Variants in SIK2 observed in about 807,000 individuals in gnomAD.
The protein encoded by SIK2 is serine/threonine-protein kinase SIK2.
SIK2 carries 29 observed loss-of-function variants against 103.2 expected under a neutral mutation model. The observed-to-expected ratio is 0.28, with a 90% CI of 0.21 to 0.38. The LOEUF is 0.38. SIK2 is among the 10% of genes least tolerant of loss of function. SIK2 has a pLI of 1.00. For synonymous variants in SIK2, 412 were observed against 446.1 expected, an observed-to-expected ratio of 0.92 and a Z score of 0.96; for missense variants, 879 against 1,171.0, an observed-to-expected ratio of 0.75 and a Z score of 3.64.
chr11:111,714,709 G>A (rs1366802981), intron 9 of SIK2, among the ~76,000 whole-genome samples: 4 of 152,156 alleles, frequency 2.6e-5, no homozygotes, highest in East Asian at 1.9e-4. Flanking sequence ...CAAGAAGGCC[G>A]ACCATGAGTT....
At chr11:111,655,277 C>T (rs1356609654) in intron 3 of SIK2, among the ~76,000 whole-genome samples, 2 of 152,098 alleles carry the variant, frequency 1.3e-5, no homozygotes, top group African/African-American at 2.4e-5. Flanking sequence ...TGCTGCATGC[C>T]TGTAATCCCA....
At chr11:111,661,456 C>T (rs1218866307) in intron 3 of SIK2, among the ~76,000 whole-genome samples, 6 of 152,168 alleles carry the variant, frequency 3.9e-5, no homozygotes, top group African/African-American at 1.2e-4. Flanking sequence ...CTTCTATAAG[C>T]CAATATTTCC....
At chr11:111,712,060 T>G in intron 8 of SIK2, 151 bp from the exon 9 acceptor site, 1 of 779,034 alleles carries the variant, frequency 1.3e-6, no homozygotes, top group Non-Finnish European at 2.0e-6. Context: ...CTGCACCATG[T>G]ATATATTTCA....
intron 3 of SIK2, among the ~76,000 whole-genome samples, chr11:111,630,747 G>A (rs1348005974): frequency 6.6e-6 from 1 of 152,140 alleles, no homozygotes; most frequent in African/African-American, 2.4e-5. Flanking sequence ...TGGTCATTAA[G>A]AGATCACCAG....
Position 111,723,560 on chromosome 11 carries a change from C to G in SIK2, c.2212C>G (p.Gln738Glu). Reference sequence around the variant, plus strand: ...ACTGCAGGCCTATTTTAATCAGATGCAGATAGCAGAGAGCTCCTACCCACA... The same window carrying G: ...ACTGCAGGCCTATTTTAATCAGATGGAGATAGCAGAGAGCTCCTACCCACA... ...SQLQAYFNQM[Q>E]IAESSYPQPS... The change falls in exon 15 of 15, where the codon CAG becomes GAG. Residue 738 changes from glutamine (Q) to glutamate (E), a missense_variant. By Grantham distance (29) the Gln-to-Glu change is conservative (BLOSUM62 2). Around this residue, in one of 7 missense-constraint regions of SIK2, gnomAD observed 375 missense variants for 416.3 expected, o/e 0.90. Coordinates refer to ENST00000304987, the MANE Select transcript of SIK2 (RefSeq NM_015191.3). 1 of 1,614,188 alleles carries G rather than the reference C, an allele frequency of 6.2e-7. No individual in the cohort carries two copies. Among genetic ancestry groups the G allele is most frequent in the Non-Finnish European group, 8.5e-7 (1 of 1,180,022 alleles).
intron 3 of SIK2, among the ~76,000 whole-genome samples, chr11:111,637,456 CTTTTT>C (rs558690499): frequency 8.0e-6 from 1 of 124,706 alleles, no homozygotes. Context: ...TTTGTAATAT[CTTTTT>C]TTTTTTTTTT....
intron 1 of SIK2, among the ~76,000 whole-genome samples, chr11:111,606,061 A>G (rs1313062465): frequency 6.6e-6 from 1 of 152,198 alleles, no homozygotes; most frequent in Non-Finnish European, 1.5e-5. Flanking sequence ...ACTTTGAGGC[A>G]ATAGTGGTTG....
chr11:111,721,126 A>G (rs372232252), intron 12 of SIK2, 64 bp downstream of exon 12: 2 of 1,524,636 alleles, frequency 1.3e-6, no homozygotes, highest in East Asian at 4.6e-5. Flanking sequence ...TGTCCTGAAG[A>G]TGGTCATTTT....
intron 9 of SIK2, among the ~76,000 whole-genome samples, chr11:111,714,769 C>G (rs1389610553): frequency 1.3e-5 from 2 of 152,122 alleles, no homozygotes; most frequent in African/African-American, 4.8e-5. Context: ...CTGCCACAAG[C>G]CAGTGTTGAC....
At chr11:111,689,319 G>T (rs1942893815) in intron 4 of SIK2, among the ~76,000 whole-genome samples, 1 of 152,140 alleles carries the variant, frequency 6.6e-6, no homozygotes, top group South Asian at 2.1e-4. Context: ...AGTGGAATTG[G>T]GATAACATGA....
At chr11:111,684,462 G>A (rs796562592) in intron 3 of SIK2, among the ~76,000 whole-genome samples, 9 of 152,086 alleles carry the variant, frequency 5.9e-5, no homozygotes, top group African/African-American at 2.2e-4. Context: ...TTGTCTATTT[G>A]GACAAGTCAG....
intron 3 of SIK2, among the ~76,000 whole-genome samples, chr11:111,629,833 T>C (rs1307161661): frequency 6.6e-6 from 1 of 152,156 alleles, no homozygotes. Flanking sequence ...TTTTAGGCTG[T>C]GAAGCAACTA....
intron 3 of SIK2, among the ~76,000 whole-genome samples, chr11:111,665,466 G>A (rs9734135): frequency 0.63 from 95,710 of 151,688 alleles, 32,729 homozygotes; most frequent in East Asian, 0.96. Flanking sequence ...CCGTGATTGC[G>A]TCACTGCACT....
At chr11:111,712,921 T>G (rs1038586270) in intron 9 of SIK2, among the ~76,000 whole-genome samples, 3 of 152,160 alleles carry the variant, frequency 2.0e-5, no homozygotes, top group Non-Finnish European at 4.4e-5. Context: ...TCCCAGCACT[T>G]TGGGAGGCCG....
chr11:111,669,411 A>C (rs1942592894), intron 3 of SIK2, among the ~76,000 whole-genome samples: 1 of 152,170 alleles, frequency 6.6e-6, no homozygotes, highest in Non-Finnish European at 1.5e-5. Flanking sequence ...AAACTTCTTC[A>C]TTTTAACTTC....
chr11:111,610,575 T>TTTG (rs1941709714), intron 1 of SIK2, among the ~76,000 whole-genome samples: 1 of 108,542 alleles, frequency 9.2e-6, no homozygotes, highest in Non-Finnish European at 2.2e-5. Flanking sequence ...ATTTCTGCTC[T>TTTG]TACATTTAAT....
intron 3 of SIK2, among the ~76,000 whole-genome samples, chr11:111,626,470 T>G (rs1941962154): frequency 6.6e-6 from 1 of 152,036 alleles, no homozygotes; most frequent in South Asian, 2.1e-4. Flanking sequence ...CCTTCCTACC[T>G]GAATGAGGTT....
intron 7 of SIK2, 42 bp from the exon 8 acceptor site, chr11:111,704,945 T>TGGC: frequency 6.5e-7 from 1 of 1,527,640 alleles, no homozygotes; most frequent in Non-Finnish European, 8.7e-7. Context: ...ATTGCATTGG[T>TGGC]CTTTACAGTT....
At chr11:111,668,310 A>G (rs1158257942) in intron 3 of SIK2, among the ~76,000 whole-genome samples, 2 of 152,202 alleles carry the variant, frequency 1.3e-5, no homozygotes, top group South Asian at 2.1e-4. Flanking sequence ...ATAGTATTCC[A>G]TATAGTATGA....
Sources: gnomAD v4.1 joint callset for allele counts (sites outside exome capture counted in the v4.1 genomes callset) on GRCh38, gnomAD v4.1.1 for gene constraint, gnomAD v4.1.1 regional missense constraint, MANE v1.5 for transcripts, NCBI Gene and HGNC (gene_info 2026-07-23, HGNC 2026-07-21) for gene names.